The following PIGU variants were observed in gnomAD, a reference collection of about 807,000 sequenced individuals.
PIGU encodes GPI-anchor transamidase component PIGU.
In PIGU, 24 loss-of-function variants were observed where a neutral mutation model predicts 49.9. The observed-to-expected ratio is 0.48, with a 90% CI of 0.35 to 0.68. The LOEUF (loss-of-function observed/expected upper bound fraction) is 0.68. PIGU is among the 30% of genes least tolerant of loss of function. The probability of loss-of-function intolerance (pLI) is 0.01; values close to 1 mark genes in which losing one functional copy is unlikely to be tolerated. For missense variants in PIGU, 490 were observed against 532.6 expected, an observed-to-expected ratio of 0.92 and a Z score of 0.79; for synonymous variants, 220 against 205.7, an observed-to-expected ratio of 1.07 and a Z score of -0.59.
intron 11 of PIGU, chr20:34,562,448 C>CA: frequency 7.8e-7 from 1 of 1,288,774 alleles, no homozygotes; most frequent in Non-Finnish European, 1.0e-6. Flanking sequence ...GAAGGTAACA[C>CA]AACAGCAGCT....
At chr20:34,612,010 T>TA (rs1324706543) in intron 7 of PIGU, among the ~76,000 whole-genome samples, 1 of 152,196 alleles carries the variant, frequency 6.6e-6, no homozygotes, top group African/African-American at 2.4e-5. Context: ...CATTACTGGA[T>TA]ATATACCCAA....
At chr20:34,659,343 G>A (rs1241287432) in intron 1 of PIGU, among the ~76,000 whole-genome samples, 3 of 145,892 alleles carry the variant, frequency 2.1e-5, no homozygotes, top group East Asian at 2.1e-4. Flanking sequence ...CCGTCCGGGA[G>A]GTGAGGGGCG....
At chr20:34,562,608 T>C in intron 11 of PIGU, 1 of 1,269,702 alleles carries the variant, frequency 7.9e-7, no homozygotes, top group Non-Finnish European at 1.0e-6. Flanking sequence ...ATGGGGAAAC[T>C]GAGACTCAAA....
intron 1 of PIGU, among the ~76,000 whole-genome samples, chr20:34,659,352 C>T (rs1600667974): frequency 1.4e-5 from 2 of 141,758 alleles, no homozygotes; most frequent in African/African-American, 5.5e-5. Flanking sequence ...AGGTGAGGGG[C>T]GCCTCTGCCC....
At chr20:34,574,535 A>G (rs1983142524) in intron 11 of PIGU, among the ~76,000 whole-genome samples, 1 of 152,072 alleles carries the variant, frequency 6.6e-6, no homozygotes, top group Non-Finnish European at 1.5e-5. Flanking sequence ...GCCTGTGACC[A>G]CAGCCTCCTC....
intron 7 of PIGU, among the ~76,000 whole-genome samples, chr20:34,605,978 C>T (rs1272960908): frequency 4.6e-5 from 7 of 152,014 alleles, no homozygotes; most frequent in South Asian, 2.1e-4. Context: ...AATTCCCAGC[C>T]GGCGCAGTGG....
rs1210737794 is a variant in PIGU at position 34,577,585 on chromosome 20, G to A, written c.1052-2339C>T. On this transcript the variant is annotated intron_variant, in intron 10 of 11. Transcript: ENST00000217446. Reference sequence around the variant, plus strand: ...ACAAAAATTAGCCAGGCATGGTGGCGGGTGCCTATAATCCCAGCTACTCAG... The same window carrying A: ...ACAAAAATTAGCCAGGCATGGTGGCAGGTGCCTATAATCCCAGCTACTCAG... Among the ~76,000 whole-genome samples the A allele has an allele frequency of 3.3e-5, 5 of 151,982 alleles. No homozygotes were observed. The East Asian group carries it at 7.7e-4, about 23-fold the overall frequency.
chr20:34,611,111 AC>A (rs1237472673), intron 7 of PIGU, among the ~76,000 whole-genome samples: 1 of 152,138 alleles, frequency 6.6e-6, no homozygotes, highest in African/African-American at 2.4e-5. Context: ...CTAGAAGAAA[AC>A]CTAGGCAGTA....
At chr20:34,565,481 C>T (rs1568617647) in intron 11 of PIGU, among the ~76,000 whole-genome samples, 1 of 151,884 alleles carries the variant, frequency 6.6e-6, no homozygotes, top group Non-Finnish European at 1.5e-5. Flanking sequence ...AGGATGGTCT[C>T]GATCTCCAGA....
chr20:34,573,056 G>T (rs1448565942), intron 11 of PIGU, among the ~76,000 whole-genome samples: 1 of 151,800 alleles, frequency 6.6e-6, no homozygotes, highest in African/African-American at 2.4e-5. Context: ...TTGCTATGTT[G>T]CCCAGGCTGT....
chr20:34,578,464 C>T (rs887504185), intron 10 of PIGU, among the ~76,000 whole-genome samples: 2 of 152,178 alleles, frequency 1.3e-5, no homozygotes, highest in African/African-American at 4.8e-5. Context: ...GAAAAGAATA[C>T]AGACTATTCC....
At chr20:34,607,967 A>G (rs182456609) in intron 7 of PIGU, among the ~76,000 whole-genome samples, 14 of 150,540 alleles carry the variant, frequency 9.3e-5, no homozygotes, top group Admixed American at 8.6e-4. Context: ...CCTTTTAATT[A>G]TTTACTTTCA....
chr20:34,562,094 G>A, intron 11 of PIGU, among the ~76,000 whole-genome samples: 1 of 152,186 alleles, frequency 6.6e-6, no homozygotes, highest in East Asian at 1.9e-4. Flanking sequence ...TCAGCCCACT[G>A]TCTCTTCAAG....
chr20:34,628,867 G>A (rs1005580464), intron 6 of PIGU, among the ~76,000 whole-genome samples: 6 of 152,064 alleles, frequency 3.9e-5, no homozygotes, highest in Non-Finnish European at 7.4e-5. Context: ...AGATAGATCA[G>A]ACATTTATTG....
intron 7 of PIGU, among the ~76,000 whole-genome samples, chr20:34,601,045 A>AG (rs1185373528): frequency 6.6e-6 from 1 of 151,608 alleles, no homozygotes; most frequent in Admixed American, 6.6e-5. Context: ...AAAAAAGAAA[A>AG]AAAAAAAAAG....
chr20:34,615,609 A>C (rs770185790), intron 7 of PIGU, among the ~76,000 whole-genome samples: 3 of 152,184 alleles, frequency 2.0e-5, no homozygotes, highest in Non-Finnish European at 2.9e-5. Flanking sequence ...CAAACAATTC[A>C]TAAGTTTTAA....
intron 7 of PIGU, among the ~76,000 whole-genome samples, chr20:34,590,593 TAAC>T (rs1983920014): frequency 6.9e-6 from 1 of 145,984 alleles, no homozygotes; most frequent in Admixed American, 6.8e-5. Flanking sequence ...TAACATAACA[TAAC>T]ATAACATAAC....
intron 7 of PIGU, among the ~76,000 whole-genome samples, chr20:34,598,486 T>C (rs538218954): frequency 6.6e-6 from 1 of 152,358 alleles, no homozygotes; most frequent in African/African-American, 2.4e-5. Context: ...GCACCTCTTT[T>C]ACAATCTTGT....
chr20:34,627,920 A>G (rs36078366), intron 6 of PIGU, among the ~76,000 whole-genome samples: 8,747 of 152,214 alleles, frequency 0.057, 335 homozygotes, highest in Non-Finnish European at 0.087. Flanking sequence ...AGGCTATGCA[A>G]TATCTAGCCA....
Sources: allele counts gnomAD v4.1 joint callset (sites outside exome capture counted in the v4.1 genomes callset), GRCh38; gene constraint gnomAD v4.1.1; transcripts MANE v1.5; gene names NCBI Gene and HGNC (gene_info 2026-07-23, HGNC 2026-07-21).